Variants in DIS3L2 observed in about 807,000 individuals in gnomAD.
DIS3L2 encodes the protein DIS3 like 3'-5' exoribonuclease 2, also known as DIS3-like exonuclease 2.
DIS3L2 carries 34 observed loss-of-function variants against 97.5 expected under a neutral mutation model. The observed-to-expected ratio is 0.35, with a 90% CI of 0.27 to 0.46. DIS3L2 has a LOEUF of 0.46. Ranked by LOEUF, DIS3L2 falls within the 20% of genes least tolerant of loss-of-function variation. The pLI is 1.00. For synonymous variants in DIS3L2, 435 were observed against 445.2 expected, an observed-to-expected ratio of 0.98 and a Z score of 0.29; for missense variants, 1,038 against 1,146.0, an observed-to-expected ratio of 0.91 and a Z score of 1.36.
intron 9 of DIS3L2, among the ~76,000 whole-genome samples, chr2:232,205,114 C>A (rs773531260): frequency 2.0e-4 from 30 of 151,852 alleles, no homozygotes; most frequent in Non-Finnish European, 4.1e-4. Context: ...CTTCCAGCAT[C>A]CCCTCAACAC....
chr2:232,133,114 A>G (rs1375841085), intron 7 of DIS3L2, among the ~76,000 whole-genome samples: 1 of 152,104 alleles, frequency 6.6e-6, no homozygotes, highest in Non-Finnish European at 1.5e-5. Context: ...ACTCAGAAAC[A>G]CTGGGCAGCC....
chr2:232,206,542 T>G (rs138061148), intron 9 of DIS3L2, among the ~76,000 whole-genome samples: 3 of 152,382 alleles, frequency 2.0e-5, no homozygotes, highest in Admixed American at 1.3e-4. Context: ...TTTGATTTTT[T>G]ATTTTTTAGT....
chr2:232,028,202 TC>T (rs1694712330), intron 4 of DIS3L2, among the ~76,000 whole-genome samples: 1 of 152,208 alleles, frequency 6.6e-6, no homozygotes, highest in East Asian at 1.9e-4. Flanking sequence ...TTATTTTTCT[TC>T]CAGGGAAGTT....
At chr2:231,973,283 T>TAC (rs34093471) in intron 1 of DIS3L2, among the ~76,000 whole-genome samples, 49,601 of 151,182 alleles carry the variant, frequency 0.33, 11,049 homozygotes, top group African/African-American at 0.64. Flanking sequence ...TACATGTTTA[T>TAC]ACACACACAC....
intron 5 of DIS3L2, among the ~76,000 whole-genome samples, chr2:232,047,549 T>A (rs189952215): frequency 3.3e-5 from 5 of 152,356 alleles, no homozygotes; most frequent in Admixed American, 2.0e-4. Flanking sequence ...ATTAAAATTT[T>A]AAAAAATTGA....
intron 1 of DIS3L2, among the ~76,000 whole-genome samples, chr2:231,985,578 G>A (rs3100610): frequency 0.8 from 121,596 of 152,186 alleles, 49,289 homozygotes; most frequent in African/African-American, 0.92. Flanking sequence ...ATGCTCATGA[G>A]TGCATACACC....
At chr2:232,233,941 C>T (rs945543030) in intron 10 of DIS3L2, among the ~76,000 whole-genome samples, 5 of 152,116 alleles carry the variant, frequency 3.3e-5, no homozygotes, top group Admixed American at 3.3e-4. Context: ...AAAGAGCCTG[C>T]AGGGACAGGA....
chr2:232,054,626 T>C (rs1238538694), intron 5 of DIS3L2, among the ~76,000 whole-genome samples: 1 of 152,212 alleles, frequency 6.6e-6, no homozygotes, highest in African/African-American at 2.4e-5. Context: ...TTGAGACTTA[T>C]TTGACACCTT....
chr2:232,329,787 C>CCCGGGGGGGCCG, intron 14 of DIS3L2, 26 bp from the exon 15 acceptor site: 2 of 1,062,210 alleles, frequency 1.9e-6, no homozygotes, highest in Non-Finnish European at 2.6e-6. Context: ...CCCAGCGGTC[C>CCCGGGGGGGCCG]CTCCCATCCC....
chr2:231,990,998 C>G (rs146993277), intron 1 of DIS3L2, among the ~76,000 whole-genome samples: 3 of 151,836 alleles, frequency 2.0e-5, no homozygotes, highest in Non-Finnish European at 4.4e-5. Flanking sequence ...CTCTGCCTCC[C>G]GGGCTCAAGT....
chr2:231,991,186 C>T (rs940644219), intron 1 of DIS3L2, among the ~76,000 whole-genome samples: 2 of 152,000 alleles, frequency 1.3e-5, no homozygotes, highest in Non-Finnish European at 2.9e-5. Context: ...GGATTACAGG[C>T]GTCAGCCCAC....
At position 232,294,867 on chromosome 2, in the gene DIS3L2, G is replaced by A. The variant is rs183109916; in HGVS notation, c.1660-5173G>A. The stretch of plus-strand genomic sequence containing the variant: ...CAGCGTGAGAGATGCTTAGGACAGA[G>A]GACGTGCTTAATAAATATTAGCTCC... On this transcript the variant is annotated intron_variant, in intron 13 of 20. Transcript: ENST00000325385. Among the ~76,000 whole-genome samples, 396 of 152,266 alleles carry A rather than the reference G, an allele frequency of 2.6e-3. 1 individual carries two copies. Among genetic ancestry groups the A allele is most frequent in the Non-Finnish European group, 4.7e-3 (317 of 68,024 alleles).
chr2:231,968,339 G>T (rs1052774702), intron 1 of DIS3L2, among the ~76,000 whole-genome samples: 1 of 152,068 alleles, frequency 6.6e-6, no homozygotes, highest in East Asian at 1.9e-4. Context: ...CTCGTGATCC[G>T]CCCGCCTCGG....
chr2:232,328,401 C>G (rs1695635587), intron 14 of DIS3L2: 1 of 152,292 alleles, frequency 6.6e-6, no homozygotes, highest in Non-Finnish European at 1.5e-5. Context: ...CCTGGGGAGG[C>G]AGATATGCTC....
In DIS3L2 at chr2:232,281,259, C is replaced by T. The variant is rs576090285; in HGVS notation, c.1659+17819C>T. On this transcript the variant is annotated intron_variant, in intron 13 of 20. Coordinates refer to ENST00000325385, the MANE Select transcript of DIS3L2 (RefSeq NM_152383.5). The surrounding 1 kb of genome is among the most constrained non-coding windows in gnomAD (Gnocchi z 4.1). ...CTAAAAATACAAAAAATTAGCCGGGCGTGGTGGCGGGCGCCTGTGGTCCCA... is the reference window on the plus strand; with the variant it reads ...CTAAAAATACAAAAAATTAGCCGGGTGTGGTGGCGGGCGCCTGTGGTCCCA... 2.4e-4 allele frequency among the ~76,000 whole-genome samples: 36 copies of T among 152,178 alleles called. No individual in the cohort carries two copies. The highest frequency in any genetic ancestry group is 7.7e-4 in the African/African-American group (32 of 41,526).
At chr2:232,144,363 C>T (rs937609366) in intron 8 of DIS3L2, among the ~76,000 whole-genome samples, 8 of 151,992 alleles carry the variant, frequency 5.3e-5, no homozygotes, top group African/African-American at 9.7e-5. Flanking sequence ...TAGTGATAAT[C>T]GTTGGGTGAT....
At chr2:231,980,622 C>G (rs553673877) in intron 1 of DIS3L2, among the ~76,000 whole-genome samples, 1 of 152,096 alleles carries the variant, frequency 6.6e-6, no homozygotes, top group East Asian at 1.9e-4. Flanking sequence ...CACTTGAACC[C>G]AGGAGGTGGA....
chr2:232,096,727 TA>T (rs60072893), intron 6 of DIS3L2, among the ~76,000 whole-genome samples: 11,463 of 152,168 alleles, frequency 0.075, 1,158 homozygotes, highest in East Asian at 0.49. Context: ...TGTTCTTCAG[TA>T]TGTCAGTTTC....
chr2:232,001,847 G>A (rs1693920092), intron 1 of DIS3L2, among the ~76,000 whole-genome samples: 1 of 150,548 alleles, frequency 6.6e-6, no homozygotes, highest in South Asian at 2.1e-4. Context: ...AGCCTCCTGA[G>A]TAGCTGGGAT....
Sources: gnomAD v4.1 joint callset for allele counts (sites outside exome capture counted in the v4.1 genomes callset) on GRCh38, gnomAD v4.1.1 for gene constraint, Gnocchi (gnomAD v3.1) non-coding constraint, MANE v1.5 for transcripts, NCBI Gene and HGNC (gene_info 2026-07-23, HGNC 2026-07-21) for gene names.